OLFM2: variants seen among roughly 807,000 people sequenced by gnomAD.
The protein encoded by OLFM2 is noelin-2.
In OLFM2, 20 loss-of-function variants were observed where a neutral mutation model predicts 43.9. That is an observed-to-expected ratio of 0.46 (90% confidence interval 0.32 to 0.66). The LOEUF (loss-of-function observed/expected upper bound fraction) is 0.66. Among genes scored for constraint, OLFM2 ranks in the 30% least tolerant of loss-of-function variants. The pLI, the probability that OLFM2 is intolerant of heterozygous loss-of-function variation, is 0.04. For synonymous variants in OLFM2, 268 were observed against 278.6 expected, an observed-to-expected ratio of 0.96 and a Z score of 0.38; for missense variants, 416 against 643.6, an observed-to-expected ratio of 0.65 and a Z score of 3.83.
chr19:9,912,971 TAG>T (rs2046839608), intron 1 of OLFM2, among the ~76,000 whole-genome samples: 1 of 143,638 alleles, frequency 7.0e-6, no homozygotes, highest in South Asian at 2.2e-4. Flanking sequence ...GGGAAATGAA[TAG>T]AGACTCAGAC....
chr19:9,874,189 T>C (rs1371953924), intron 1 of OLFM2, among the ~76,000 whole-genome samples: 3 of 152,190 alleles, frequency 2.0e-5, no homozygotes, highest in Non-Finnish European at 4.4e-5. Flanking sequence ...CAGAATCTAA[T>C]GCAGGATCCC....
chr19:9,915,642 C>G (rs7250293), intron 1 of OLFM2, among the ~76,000 whole-genome samples: 1 of 151,820 alleles, frequency 6.6e-6, no homozygotes, highest in African/African-American at 2.4e-5. Flanking sequence ...CTTAGCCTCC[C>G]GAGTAGCTGG....
At chr19:9,869,908 C>T (rs879505726) in intron 1 of OLFM2, among the ~76,000 whole-genome samples, 1 of 152,178 alleles carries the variant, frequency 6.6e-6, no homozygotes, top group African/African-American at 2.4e-5. Flanking sequence ...GCATGCACCA[C>T]TGCACCTGGT....
intron 1 of OLFM2, among the ~76,000 whole-genome samples, chr19:9,888,941 C>T (rs2046613935): frequency 6.6e-6 from 1 of 152,094 alleles, no homozygotes; most frequent in African/African-American, 2.4e-5. Flanking sequence ...TGGCGGGTGC[C>T]TGTAGTCCCA....
chr19:9,874,311 G>A (rs138734423), intron 1 of OLFM2, among the ~76,000 whole-genome samples: 41 of 144,682 alleles, frequency 2.8e-4, no homozygotes, highest in African/African-American at 9.9e-4. Context: ...GGGAGTTTTG[G>A]AGAATGCCCC....
chr19:9,856,135 G>A lies in OLFM2; in HGVS notation c.687+672C>T, dbSNP rs185427524. ...TGTTTTGAGACAGAGTTTCACTCGT[G>A]TTGCCCAGGCTGCAGTGCAATGGTG... On this transcript the variant is annotated intron_variant, in intron 5 of 5. Coordinates refer to ENST00000264833, the MANE Select transcript of OLFM2 (RefSeq NM_058164.4). The surrounding 1 kb of genome is among the most constrained non-coding windows in gnomAD (Gnocchi z 4.0). Among the ~76,000 whole-genome samples the A allele has an allele frequency of 4.9e-4, 75 of 152,302 alleles. No individual in the cohort carries two copies. Among genetic ancestry groups the A allele is most frequent in the Non-Finnish European group, 1.8e-4 (12 of 68,034 alleles).
chr19:9,882,299 G>A (rs1452153240), intron 1 of OLFM2, among the ~76,000 whole-genome samples: 8 of 151,628 alleles, frequency 5.3e-5, no homozygotes, highest in Non-Finnish European at 1.2e-4. Flanking sequence ...AGCTCTTAGG[G>A]AGGCCGAGGT....
At chr19:9,907,275 T>A (rs889752092) in intron 1 of OLFM2, among the ~76,000 whole-genome samples, 3 of 151,888 alleles carry the variant, frequency 2.0e-5, no homozygotes, top group African/African-American at 7.3e-5. Flanking sequence ...GCTAACATGC[T>A]GAAACCCCAT....
At chr19:9,916,571 C>A (rs971846210) in intron 1 of OLFM2, among the ~76,000 whole-genome samples, 2 of 152,138 alleles carry the variant, frequency 1.3e-5, no homozygotes, top group Non-Finnish European at 2.9e-5. Flanking sequence ...GTTTTGAAAC[C>A]AGGACTGTCT....
intron 1 of OLFM2, 54 bp downstream of exon 1, chr19:9,936,250 C>A (rs1380643292): frequency 1.3e-6 from 2 of 1,514,686 alleles, no homozygotes; most frequent in Admixed American, 4.0e-5. Context: ...ACCCTCCGCG[C>A]CCCCCTCCTC....
At chr19:9,913,630 T>C (rs1281796221) in intron 1 of OLFM2, 2 of 1,276,450 alleles carry the variant, frequency 1.6e-6, no homozygotes, top group Admixed American at 3.6e-5. Context: ...CGCCTCCGCC[T>C]CATGCCCCGC....
intron 1 of OLFM2, among the ~76,000 whole-genome samples, chr19:9,875,856 C>T (rs957249046): frequency 1.3e-5 from 2 of 151,938 alleles, no homozygotes; most frequent in Non-Finnish European, 2.9e-5. Context: ...CAATAGCTAC[C>T]ACGGGGACCA....
intron 1 of OLFM2, among the ~76,000 whole-genome samples, chr19:9,875,599 T>C (rs1013024705): frequency 2.0e-5 from 3 of 151,012 alleles, no homozygotes; most frequent in African/African-American, 7.3e-5. Context: ...CAGGTGATCC[T>C]CCCACCTCAG....
intron 2 of OLFM2, chr19:9,858,177 G>A (rs1390262018): frequency 4.5e-6 from 2 of 441,500 alleles, no homozygotes; most frequent in Admixed American, 3.4e-5. Flanking sequence ...TTTCAAAACA[G>A]AGATTAGATC....
At chr19:9,858,623 G>A (rs1408214346) in intron 2 of OLFM2, among the ~76,000 whole-genome samples, 1 of 152,152 alleles carries the variant, frequency 6.6e-6, no homozygotes, top group Non-Finnish European at 1.5e-5. Context: ...TTGGCTGAAT[G>A]AGTAAAATAA....
intron 1 of OLFM2, among the ~76,000 whole-genome samples, chr19:9,861,963 T>C (rs998557880): frequency 6.7e-6 from 1 of 149,744 alleles, no homozygotes; most frequent in Admixed American, 6.7e-5. Context: ...GAGGTTGCAG[T>C]GAGCTGAGAC....
intron 1 of OLFM2, among the ~76,000 whole-genome samples, chr19:9,915,504 A>T (rs751622330): frequency 1.5e-5 from 1 of 65,934 alleles, no homozygotes; most frequent in African/African-American, 3.2e-5. Context: ...TTTTTTATTT[A>T]TTTATTTATT....
intron 1 of OLFM2, among the ~76,000 whole-genome samples, chr19:9,870,259 G>T (rs1420086740): frequency 6.6e-6 from 1 of 152,048 alleles, no homozygotes; most frequent in East Asian, 1.9e-4. Flanking sequence ...ACACTCAAAA[G>T]GCCAATTTGG....
In OLFM2 at chr19:9,901,427, AAAACAAACAAAC is replaced by A. The variant is rs140596781; in HGVS notation, c.63+34865_63+34876del. On this transcript the variant is annotated intron_variant, in intron 1 of 5. Coordinates refer to ENST00000264833, the MANE Select transcript of OLFM2 (RefSeq NM_058164.4). The stretch of plus-strand genomic sequence containing the variant: ...GGCGACAGAGTGAGACTCTGTCTCA[AAAACAAACAAAC>A]AAACAAACAAACAAACAAAAAACAT... 3.3e-5 allele frequency among the ~76,000 whole-genome samples: 5 copies of A among 151,724 alleles called. 1 individual carries two copies. Among genetic ancestry groups the A allele is most frequent in the South Asian group, 2.1e-4 (1 of 4,814 alleles).
Sources: allele counts gnomAD v4.1 joint callset (sites outside exome capture counted in the v4.1 genomes callset), GRCh38; gene constraint gnomAD v4.1.1; non-coding constraint Gnocchi (gnomAD v3.1); transcripts MANE v1.5; gene names NCBI Gene and HGNC (gene_info 2026-07-23, HGNC 2026-07-21).